Variants in GPM6A observed in about 807,000 individuals in gnomAD.
GPM6A encodes the protein glycoprotein M6A.
GPM6A carries 7 observed loss-of-function variants against 32.1 expected under a neutral mutation model. The ratio of observed to expected loss-of-function variants is 0.22; its 90% CI spans 0.12 to 0.41. The LOEUF is 0.41. Ranked by LOEUF, GPM6A falls within the 10% of genes least tolerant of loss-of-function variation. The pLI, the probability that GPM6A is intolerant of heterozygous loss-of-function variation, is 1.00. For synonymous variants in GPM6A, 130 were observed against 123.4 expected (o/e 1.05, Z -0.35); for missense variants, 235 against 347.2 (o/e 0.68, Z 2.57).
chr4:175,643,280 A>G (rs1741261489), intron 4 of GPM6A, among the ~76,000 whole-genome samples: 1 of 152,126 alleles, frequency 6.6e-6, no homozygotes, highest in Admixed American at 6.6e-5. Context: ...CTCTGCCAAA[A>G]TCTGTAATGA....
At chr4:175,812,535 C>A, upstream of GPM6A, 1 of 1,075,114 alleles carries the variant, frequency 9.3e-7, no homozygotes, top group South Asian at 4.4e-5. Context: ...AACAAATAGC[C>A]TGAGAATTTT....
chr4:175,880,290 C>A (rs1363743871), intron 1 of GPM6A, among the ~76,000 whole-genome samples: 1 of 152,280 alleles, frequency 6.6e-6, no homozygotes, highest in East Asian at 1.9e-4. Context: ...GTTACTGCAG[C>A]CTTGTAGTAT....
intron 1 of GPM6A, among the ~76,000 whole-genome samples, chr4:175,887,642 C>T (rs1737504649): frequency 6.6e-6 from 1 of 151,296 alleles, no homozygotes; most frequent in African/African-American, 2.4e-5. Context: ...CAAACCACTG[C>T]AAGTGTTATC....
At chr4:175,938,563 C>T (rs1739311479) in intron 1 of GPM6A, among the ~76,000 whole-genome samples, 1 of 152,016 alleles carries the variant, frequency 6.6e-6, no homozygotes, top group Non-Finnish European at 1.5e-5. Context: ...TGAGAAGTGT[C>T]TGTTCATATC....
intron 1 of GPM6A, among the ~76,000 whole-genome samples, chr4:175,726,054 G>A (rs1374844722): frequency 1.4e-5 from 2 of 145,396 alleles, no homozygotes; most frequent in South Asian, 2.2e-4. Context: ...GTGCAGTGGC[G>A]CGATCTCGGC....
chr4:175,923,462 C>G (rs142090256), intron 1 of GPM6A, among the ~76,000 whole-genome samples: 1 of 150,792 alleles, frequency 6.6e-6, no homozygotes, highest in Non-Finnish European at 1.5e-5. Flanking sequence ...GAGCAGAAGT[C>G]GGTGATGGAG....
chr4:175,892,185 T>C (rs987109167), intron 1 of GPM6A, among the ~76,000 whole-genome samples: 3 of 152,168 alleles, frequency 2.0e-5, no homozygotes, highest in African/African-American at 7.2e-5. Context: ...TCCTACCTAA[T>C]TGAGAGATAA....
intron 1 of GPM6A, among the ~76,000 whole-genome samples, chr4:175,867,586 T>A (rs910710746): frequency 6.6e-6 from 1 of 152,238 alleles, no homozygotes; most frequent in Non-Finnish European, 1.5e-5. Context: ...TTCTGGGCTC[T>A]CTATTCTGTT....
intron 1 of GPM6A, among the ~76,000 whole-genome samples, chr4:175,992,773 G>T (rs867527532): frequency 2.6e-5 from 4 of 152,046 alleles, no homozygotes; most frequent in South Asian, 2.1e-4. Flanking sequence ...CAAGAAAAAT[G>T]AACACAATAC....
At chr4:175,998,588 T>G (rs1741381991) in intron 1 of GPM6A, among the ~76,000 whole-genome samples, 1 of 152,254 alleles carries the variant, frequency 6.6e-6, no homozygotes, top group Admixed American at 6.5e-5. Context: ...CTTCAAGATT[T>G]CAAATTTCTA....
intron 1 of GPM6A, among the ~76,000 whole-genome samples, chr4:175,726,159 A>AT (rs11298738): frequency 2.1e-4 from 31 of 145,832 alleles, no homozygotes; most frequent in African/African-American, 6.8e-4. Context: ...CGACCAGCTA[A>AT]TTTTTTTTTT....
chr4:175,927,784 C>T (rs1247282512), intron 1 of GPM6A, among the ~76,000 whole-genome samples: 1 of 152,158 alleles, frequency 6.6e-6, no homozygotes. Context: ...ACTCCGGAGG[C>T]TGAGGCGGGA....
At chr4:175,744,362 G>A (rs997746148) in intron 1 of GPM6A, among the ~76,000 whole-genome samples, 1 of 152,006 alleles carries the variant, frequency 6.6e-6, no homozygotes, top group African/African-American at 2.4e-5. Flanking sequence ...CTAAATCTGT[G>A]TTCCAGGGAA....
intron 1 of GPM6A, among the ~76,000 whole-genome samples, chr4:175,711,457 T>TATATATAC (rs1303046650): frequency 6.1e-4 from 17 of 27,950 alleles, no homozygotes; most frequent in Admixed American, 3.0e-3. Context: ...TATATATATA[T>TATATATAC]ACACACACAT....
intron 1 of GPM6A, among the ~76,000 whole-genome samples, chr4:175,799,288 CA>C (rs892547280): frequency 6.6e-6 from 1 of 151,978 alleles, no homozygotes; most frequent in African/African-American, 2.4e-5. Flanking sequence ...CCTTTTTGGC[CA>C]AAAAATACAT....
At chr4:175,676,998 A>T (rs1442397992) in intron 2 of GPM6A, among the ~76,000 whole-genome samples, 1 of 152,162 alleles carries the variant, frequency 6.6e-6, no homozygotes, top group Admixed American at 6.5e-5. Context: ...TTAACTTGTC[A>T]AATTATTTAA....
intron 1 of GPM6A, among the ~76,000 whole-genome samples, chr4:175,976,904 A>C (rs1740681094): frequency 6.6e-6 from 1 of 152,234 alleles, no homozygotes; most frequent in Non-Finnish European, 1.5e-5. Context: ...ATAAATCAAG[A>C]AAAATAAAAC....
chr4:175,863,637 T>C (rs1560969786), intron 1 of GPM6A, among the ~76,000 whole-genome samples: 1 of 152,238 alleles, frequency 6.6e-6, no homozygotes, highest in Admixed American at 6.5e-5. Context: ...ACATGTTTAA[T>C]TTCATAAGAA....
intron 1 of GPM6A, among the ~76,000 whole-genome samples, chr4:175,865,313 G>T (rs537490609): frequency 1.3e-5 from 2 of 152,220 alleles, no homozygotes; most frequent in South Asian, 4.1e-4. Flanking sequence ...TAACATTATG[G>T]CAATACCAAG....
Sources: gnomAD v4.1 joint callset for allele counts (sites outside exome capture counted in the v4.1 genomes callset) on GRCh38, gnomAD v4.1.1 for gene constraint, MANE v1.5 for transcripts, NCBI Gene and HGNC (gene_info 2026-07-23, HGNC 2026-07-21) for gene names.